The following NKAIN2 variants were observed in gnomAD, a reference collection of about 807,000 sequenced individuals.
NKAIN2 encodes the protein sodium/potassium transporting ATPase interacting 2.
Under a neutral mutation model 32.6 loss-of-function variants are expected in NKAIN2, and 14 were observed. The observed-to-expected ratio is 0.43, with a 90% CI of 0.28 to 0.67. The LOEUF is 0.67. NKAIN2 is among the 30% of genes least tolerant of loss of function. The pLI, the probability that NKAIN2 is intolerant of heterozygous loss-of-function variation, is 0.17. For synonymous variants in NKAIN2, 80 were observed against 87.2 expected, an observed-to-expected ratio of 0.92 and a Z score of 0.46; for missense variants, 198 against 258.3, an observed-to-expected ratio of 0.77 and a Z score of 1.60.
intron 5 of NKAIN2, among the ~76,000 whole-genome samples, chr6:124,804,227 G>A (rs978943012): frequency 6.6e-6 from 1 of 152,104 alleles, no homozygotes; most frequent in East Asian, 1.9e-4. Flanking sequence ...CAAGATCCAG[G>A]TCTCAGCAGA....
At chr6:123,994,449 T>A (rs994366761) in intron 1 of NKAIN2, among the ~76,000 whole-genome samples, 4 of 152,144 alleles carry the variant, frequency 2.6e-5, no homozygotes, top group African/African-American at 9.7e-5. Flanking sequence ...TTAGAAAGTC[T>A]GATGTAGACA....
intron 1 of NKAIN2, among the ~76,000 whole-genome samples, chr6:123,857,856 C>A (rs1775615951): frequency 6.6e-6 from 1 of 150,542 alleles, no homozygotes; most frequent in Non-Finnish European, 1.5e-5. Flanking sequence ...ATGTAGTCAG[C>A]TGCCCCATAT....
intron 1 of NKAIN2, among the ~76,000 whole-genome samples, chr6:124,273,858 A>T (rs141905456): frequency 2.2e-3 from 339 of 152,300 alleles, no homozygotes; most frequent in African/African-American, 7.7e-3. Flanking sequence ...GACGCATTAT[A>T]TTTTCCAACT....
intron 3 of NKAIN2, among the ~76,000 whole-genome samples, chr6:124,522,905 A>T (rs1407769576): frequency 1.3e-5 from 2 of 151,850 alleles, no homozygotes; most frequent in Non-Finnish European, 2.9e-5. Context: ...GCACTTTGGG[A>T]GGCCGAGGCG....
At chr6:124,442,597 C>A (rs1775735847) in intron 3 of NKAIN2, among the ~76,000 whole-genome samples, 1 of 152,052 alleles carries the variant, frequency 6.6e-6, no homozygotes, top group Admixed American at 6.6e-5. Flanking sequence ...AATACCATTT[C>A]TGTGTTACAT....
intron 2 of NKAIN2, among the ~76,000 whole-genome samples, chr6:124,345,829 T>C (rs1798394778): frequency 6.6e-6 from 1 of 152,222 alleles, no homozygotes; most frequent in African/African-American, 2.4e-5. Context: ...TATGTCTCTA[T>C]TTCCTTCAGT....
chr6:124,786,421 A>G (rs1262863559), intron 4 of NKAIN2, among the ~76,000 whole-genome samples: 1 of 152,138 alleles, frequency 6.6e-6, no homozygotes, highest in Non-Finnish European at 1.5e-5. Context: ...AGGTTGCTAT[A>G]TTTTCAATTA....
chr6:124,044,572 A>C (rs1158962290), intron 1 of NKAIN2, among the ~76,000 whole-genome samples: 1 of 152,006 alleles, frequency 6.6e-6, no homozygotes, highest in African/African-American at 2.4e-5. Flanking sequence ...CATTCATCTC[A>C]TGGTTGTGTC....
intron 3 of NKAIN2, among the ~76,000 whole-genome samples, chr6:124,485,296 A>C (rs1270299137): frequency 6.6e-6 from 1 of 152,114 alleles, no homozygotes; most frequent in Non-Finnish European, 1.5e-5. Flanking sequence ...TGATTCAAAC[A>C]GCTGCTAAAG....
intron 2 of NKAIN2, among the ~76,000 whole-genome samples, chr6:124,353,710 G>A (rs906367717): frequency 4.6e-5 from 7 of 151,488 alleles, no homozygotes; most frequent in African/African-American, 9.7e-5. Flanking sequence ...AGCCGAGATC[G>A]CGCCACTGCA....
chr6:124,806,467 C>A (rs1411902290), intron 5 of NKAIN2, among the ~76,000 whole-genome samples: 1 of 151,864 alleles, frequency 6.6e-6, no homozygotes, highest in Non-Finnish European at 1.5e-5. Flanking sequence ...CCAGGCCTGC[C>A]TAAAAGAGCT....
chr6:124,468,387 T>C (rs1776844277), intron 3 of NKAIN2, among the ~76,000 whole-genome samples: 1 of 152,128 alleles, frequency 6.6e-6, no homozygotes, highest in Admixed American at 6.6e-5. Context: ...TTCACCATCA[T>C]AGCAATCTCT....
intron 3 of NKAIN2, among the ~76,000 whole-genome samples, chr6:124,448,665 G>A (rs62437463): frequency 0.052 from 7,841 of 152,132 alleles, 291 homozygotes; most frequent in Non-Finnish European, 0.066. Flanking sequence ...TCCTGTATTG[G>A]GATTTTTTAG....
At chr6:124,318,717 T>C (rs952011607) in intron 2 of NKAIN2, among the ~76,000 whole-genome samples, 1 of 151,874 alleles carries the variant, frequency 6.6e-6, no homozygotes, top group Non-Finnish European at 1.5e-5. Context: ...GACACTAAGA[T>C]GACAGAATCA....
At chr6:123,878,338 T>G (rs1582700329) in intron 1 of NKAIN2, among the ~76,000 whole-genome samples, 1 of 152,380 alleles carries the variant, frequency 6.6e-6, no homozygotes, top group Non-Finnish European at 1.5e-5. Context: ...TTTCCATTTC[T>G]TACTGAATTA....
intron 3 of NKAIN2, among the ~76,000 whole-genome samples, chr6:124,655,326 T>TA (rs1784502157): frequency 6.6e-6 from 1 of 152,136 alleles, no homozygotes; most frequent in African/African-American, 2.4e-5. Flanking sequence ...CCTGGCTCAC[T>TA]AGCTATCATC....
intron 4 of NKAIN2, among the ~76,000 whole-genome samples, chr6:124,668,334 A>G (rs1022408883): frequency 6.6e-5 from 10 of 152,082 alleles, no homozygotes; most frequent in South Asian, 2.1e-4. Context: ...CTCCTCTTAT[A>G]TCCTGAAATT....
At chr6:124,230,935 C>T (rs543753146) in intron 1 of NKAIN2, among the ~76,000 whole-genome samples, 3 of 152,274 alleles carry the variant, frequency 2.0e-5, no homozygotes, top group East Asian at 3.9e-4. Context: ...GGCCACTGTC[C>T]TCCAGACCCC....
At chr6:124,584,596 T>C (rs1013221502) in intron 3 of NKAIN2, among the ~76,000 whole-genome samples, 1 of 144,622 alleles carries the variant, frequency 6.9e-6, no homozygotes, top group African/African-American at 2.6e-5. Context: ...GAGGTTGCAG[T>C]GAGCCGAGAT....
Sources: allele counts gnomAD v4.1 joint callset (sites outside exome capture counted in the v4.1 genomes callset), GRCh38; gene constraint gnomAD v4.1.1; transcripts MANE v1.5; gene names NCBI Gene and HGNC (gene_info 2026-07-23, HGNC 2026-07-21).